The following PLCE1 variants were observed in gnomAD, a reference collection of about 807,000 sequenced individuals.
PLCE1 encodes 1-phosphatidylinositol 4,5-bisphosphate phosphodiesterase epsilon-1.
PLCE1 carries 119 observed loss-of-function variants against 242.8 expected under a neutral mutation model. That is an observed-to-expected ratio of 0.49 (90% CI 0.42 to 0.57). The LOEUF is 0.57. PLCE1 is among the 20% of genes least tolerant of loss of function. The pLI, the probability that PLCE1 is intolerant of heterozygous loss-of-function variation, is 0.00. For missense variants in PLCE1, 2,441 were observed against 2,788.8 expected (o/e 0.88, Z 2.81); for synonymous variants, 945 against 1,017.4 (o/e 0.93, Z 1.35).
intron 2 of PLCE1, among the ~76,000 whole-genome samples, chr10:94,067,252 T>A (rs2044223909): frequency 6.6e-6 from 1 of 152,182 alleles, no homozygotes; most frequent in African/African-American, 2.4e-5. Context: ...GGACTTCTTA[T>A]TTAAATATAG....
At chr10:94,127,987 C>A (rs1055675026) in intron 2 of PLCE1, among the ~76,000 whole-genome samples, 4 of 118,312 alleles carry the variant, frequency 3.4e-5, no homozygotes, top group Admixed American at 9.3e-5. Context: ...AATACCTTGA[C>A]TTTTTTTTTT....
Position 94,246,429 on chromosome 10 carries a change from A to G in PLCE1, c.2904A>G (p.Ser968=). The G allele has an allele frequency of 6.2e-7, 1 of 1,614,212 alleles. No individual in the cohort carries two copies. Among genetic ancestry groups the G allele is most frequent in the African/African-American group, 1.3e-5 (1 of 75,062 alleles). The part of the protein sequence containing the change: ...VQNKLGSMFL[S]ETGVTLLYGL... ...ACAAACTGGGTAGCATGTTCCTGTC[A>G]GAGACTGGTGTGACATTGCTCTATG... Residue 968 remains serine, a synonymous_variant, in exon 8 of 33, where the codon TCA becomes TCG. Coordinates refer to ENST00000371380, the MANE Select transcript of PLCE1 (RefSeq NM_016341.4).
At chr10:94,144,886 C>T (rs2047068994) in intron 3 of PLCE1, among the ~76,000 whole-genome samples, 1 of 152,108 alleles carries the variant, frequency 6.6e-6, no homozygotes, top group African/African-American at 2.4e-5. Context: ...AAAGTGTTAC[C>T]TAATTTAAGC....
intron 2 of PLCE1, among the ~76,000 whole-genome samples, chr10:94,060,563 T>C (rs1589938733): frequency 6.6e-6 from 1 of 152,180 alleles, no homozygotes; most frequent in African/African-American, 2.4e-5. Context: ...TACAAGAAAA[T>C]TGCAAGGATT....
chr10:94,063,476 C>T (rs534515746), intron 2 of PLCE1, among the ~76,000 whole-genome samples: 10 of 152,180 alleles, frequency 6.6e-5, no homozygotes, highest in South Asian at 2.1e-4. Flanking sequence ...ATATGTGCCA[C>T]GTGAACATAA....
At chr10:94,058,517 T>G (rs1358272858) in intron 2 of PLCE1, among the ~76,000 whole-genome samples, 1 of 152,170 alleles carries the variant, frequency 6.6e-6, no homozygotes, top group Non-Finnish European at 1.5e-5. Flanking sequence ...AAAATTTGTT[T>G]CAATTAGTAG....
chr10:94,316,614 T>C lies in PLCE1; in HGVS notation c.6200T>C (p.Phe2067Ser). The C allele has an allele frequency of 4.4e-6, 7 of 1,608,524 alleles. No individual in the cohort carries two copies. Among genetic ancestry groups the C allele is most frequent in the Non-Finnish European group, 6.0e-6 (7 of 1,175,164 alleles). ...TDYFLMEEKY[F>S]ISKEKNECRK... ...TATTTTTTGATGGAAGAAAAATATT[T>C]TATATCTAAAGAAAAGAATGAATGT... Residue 2067 changes from phenylalanine to serine, a missense_variant, in exon 29 of 33, where the codon TTT becomes TCT. Around this residue, in one of 5 missense-constraint regions of PLCE1, gnomAD observed 310 missense variants for 317.2 expected, o/e 0.98. Coordinates refer to ENST00000371380, the MANE Select transcript of PLCE1 (RefSeq NM_016341.4).
rs748210859 is a variant in PLCE1, at chr10:94,316,541, C to G, written c.6133-6C>G. 1 of 1,598,354 alleles carries G rather than the reference C, an allele frequency of 6.3e-7. No individual in the cohort carries two copies. Among genetic ancestry groups the G allele is most frequent in the South Asian group, 1.1e-5 (1 of 90,588 alleles). On this transcript the variant is annotated splice_region_variant and splice_polypyrimidine_tract_variant and intron_variant, in intron 28 of 32. Coordinates refer to ENST00000371380, the MANE Select transcript of PLCE1 (RefSeq NM_016341.4). ...ACTCCTCAGTTTGCCTTCACTTTTT[C>G]TTTAGATTCTGACAAATGAACAAGA...
At chr10:94,322,197 AG>A (rs2053835859) in intron 30 of PLCE1, 138 bp downstream of exon 30, 2 of 830,762 alleles carry the variant, frequency 2.4e-6, no homozygotes, top group Non-Finnish European at 4.0e-6. Flanking sequence ...GTGCCTCTTA[AG>A]GCTGGGAAAT....
chr10:94,051,286 CAAAAAAAAAAAA>C (rs869233995), intron 2 of PLCE1, among the ~76,000 whole-genome samples: 12 of 29,370 alleles, frequency 4.1e-4, no homozygotes, highest in East Asian at 1.1e-3. Context: ...GACTCCAACT[CAAAAAAAAAAAA>C]AAAAAAAAAA....
chr10:94,229,197 C>CAA (rs200316786), intron 5 of PLCE1, among the ~76,000 whole-genome samples: 21,446 of 122,826 alleles, frequency 0.17, 1,867 homozygotes, highest in Middle Eastern at 0.24. Context: ...ACAAAACAAA[C>CAA]AAACAAAAAA....
chr10:94,106,067 C>T (rs1564693175), intron 2 of PLCE1: 1 of 152,210 alleles, frequency 6.6e-6, no homozygotes, highest in Admixed American at 6.5e-5. Context: ...GGGATTCAAA[C>T]TCAGGAAGTG....
At chr10:94,004,132 C>T (rs774418960) in intron 1 of PLCE1, among the ~76,000 whole-genome samples, 16 of 150,632 alleles carry the variant, frequency 1.1e-4, no homozygotes, top group Non-Finnish European at 1.6e-4. Context: ...GGTGACAGAG[C>T]GAGATTCCAT....
At chr10:94,067,380 A>G (rs916378065) in intron 2 of PLCE1, among the ~76,000 whole-genome samples, 2 of 152,096 alleles carry the variant, frequency 1.3e-5, no homozygotes, top group Non-Finnish European at 2.9e-5. Context: ...CTCTGCCTTT[A>G]CTCTTGCTGC....
chr10:94,074,987 G>A (rs1172240248), intron 2 of PLCE1, among the ~76,000 whole-genome samples: 2 of 152,116 alleles, frequency 1.3e-5, no homozygotes, highest in African/African-American at 2.4e-5. Context: ...AATGTCAGTA[G>A]GATTTCAAGT....
At chr10:94,116,179 C>A (rs1447667610) in intron 2 of PLCE1, among the ~76,000 whole-genome samples, 1 of 152,170 alleles carries the variant, frequency 6.6e-6, no homozygotes, top group Non-Finnish European at 1.5e-5. Flanking sequence ...ACCTTCCTCC[C>A]CTGCCACAAA....
chr10:94,041,772 G>A (rs1005240570), intron 2 of PLCE1, among the ~76,000 whole-genome samples: 1 of 152,120 alleles, frequency 6.6e-6, no homozygotes, highest in African/African-American at 2.4e-5. Context: ...GTCGTTGTAA[G>A]TTGGGGAGAT....
At chr10:94,135,069 G>C (rs2046725627) in intron 3 of PLCE1, among the ~76,000 whole-genome samples, 1 of 152,050 alleles carries the variant, frequency 6.6e-6, no homozygotes, top group African/African-American at 2.4e-5. Context: ...ACGTGCCTCA[G>C]TTAAACATAT....
intron 25 of PLCE1, among the ~76,000 whole-genome samples, chr10:94,305,266 CA>C (rs1211449818): frequency 2.0e-5 from 3 of 152,108 alleles, no homozygotes; most frequent in African/African-American, 7.2e-5. Context: ...CCTGTTTCTA[CA>C]AAAAAATAAC....
Sources: allele counts gnomAD v4.1 joint callset (sites outside exome capture counted in the v4.1 genomes callset), GRCh38; gene constraint gnomAD v4.1.1; regional missense constraint gnomAD v4.1.1; transcripts MANE v1.5; gene names NCBI Gene and HGNC (gene_info 2026-07-23, HGNC 2026-07-21).